The following ZEB2 variants were observed in gnomAD, a reference collection of about 807,000 sequenced individuals.
ZEB2 encodes zinc finger E-box-binding homeobox 2.
In ZEB2, 6 loss-of-function variants were observed where a neutral mutation model predicts 99.9. That is an observed-to-expected ratio of 0.06 (90% confidence interval 0.03 to 0.12). The LOEUF is 0.12. Ranked by LOEUF, ZEB2 falls within the 10% of genes least tolerant of loss-of-function variation. The pLI is 1.00. For synonymous variants in ZEB2, 517 were observed against 542.5 expected (o/e 0.95, Z 0.65); for missense variants, 969 against 1,502.8 (o/e 0.64, Z 5.87).
intron 2 of ZEB2, among the ~76,000 whole-genome samples, chr2:144,500,878 C>T (rs7564469): frequency 0.76 from 115,890 of 152,004 alleles, 44,864 homozygotes; most frequent in Non-Finnish European, 0.85. Context: ...GGAAGGATTG[C>T]TCCCGACACC....
chr2:144,491,266 A>C (rs1194792720), intron 2 of ZEB2, among the ~76,000 whole-genome samples: 1 of 151,812 alleles, frequency 6.6e-6, no homozygotes, highest in African/African-American at 2.4e-5. Flanking sequence ...AAAGTTGTCC[A>C]ATTACTTCAG....
chr2:144,463,149 A>C (rs1436742055), intron 2 of ZEB2: 2 of 152,200 alleles, frequency 1.3e-5, no homozygotes, highest in African/African-American at 4.8e-5. Flanking sequence ...CCCCAAAGTT[A>C]AAAGGGCAAA....
In ZEB2 at chr2:144,483,148, A is replaced by ACACACACACATG. The variant is rs1553968376; in HGVS notation, c.73+34129_73+34130insCATGTGTGTGTG. ...CACACACACACACACACACACACAC[A>ACACACACACATG]CACACACACACACACATACCCTAAG... On this transcript the variant is annotated intron_variant, in intron 2 of 9. Coordinates refer to ENST00000627532, the MANE Select transcript of ZEB2 (RefSeq NM_014795.4). 8.1e-3 allele frequency among the ~76,000 whole-genome samples: 1,169 copies of ACACACACACATG among 144,108 alleles called. 19 individuals carry two copies. The highest frequency in any genetic ancestry group is 0.027 in the African/African-American group (1,060 of 39,634). The allele number at this position is 144,108 out of a possible 152,430, so 94.5% of individuals were successfully genotyped here. A position where few individuals can be genotyped will look rare whatever the true frequency, so the allele number is the denominator to read the frequency against.
At chr2:144,519,502 T>C (rs1018014286) in intron 1 of ZEB2, 2 of 158,194 alleles carry the variant, frequency 1.3e-5, no homozygotes, top group Non-Finnish European at 2.8e-5. Flanking sequence ...GTTTTGTAAT[T>C]ATTAACAGGT....
chr2:144,483,991 A>T (rs1395234640), intron 2 of ZEB2, among the ~76,000 whole-genome samples: 1 of 152,148 alleles, frequency 6.6e-6, no homozygotes, highest in Admixed American at 6.5e-5. Flanking sequence ...GAATTCTAAA[A>T]CTAGAGCTTC....
chr2:144,401,363 G>A (rs1174226451), intron 6 of ZEB2, 56 bp from the exon 7 acceptor site: 1 of 1,574,278 alleles, frequency 6.4e-7, no homozygotes, highest in Non-Finnish European at 8.7e-7. Context: ...AAGAAAATTT[G>A]TTACAAATAT....
intron 4 of ZEB2, among the ~76,000 whole-genome samples, chr2:144,410,975 A>G (rs1473749473): frequency 6.7e-6 from 1 of 148,636 alleles, no homozygotes; most frequent in African/African-American, 2.5e-5. Context: ...CATGAGTGGT[A>G]AATTTTTTTC....
intron 4 of ZEB2, among the ~76,000 whole-genome samples, chr2:144,406,030 T>C (rs1703381996): frequency 1.3e-5 from 2 of 152,252 alleles, no homozygotes; most frequent in Admixed American, 6.5e-5. Context: ...CCTATTATCA[T>C]AGTTTTTGAA....
At chr2:144,413,793 C>G (rs1321936863) in intron 4 of ZEB2, among the ~76,000 whole-genome samples, 2 of 152,160 alleles carry the variant, frequency 1.3e-5, no homozygotes, top group African/African-American at 4.8e-5. Context: ...TCAACTCTTG[C>G]AGAGAAATAC....
chr2:144,393,248 G>A (rs184290977), intron 9 of ZEB2, among the ~76,000 whole-genome samples: 3 of 152,280 alleles, frequency 2.0e-5, no homozygotes, highest in Admixed American at 2.0e-4. Context: ...AAGCAAGCAA[G>A]CAATAAGCCA....
At chr2:144,440,848 G>A (rs1305307570) in intron 2 of ZEB2, among the ~76,000 whole-genome samples, 1 of 151,668 alleles carries the variant, frequency 6.6e-6, no homozygotes, top group East Asian at 1.9e-4. Context: ...CAGAGTAAGA[G>A]AAAGAAAAAT....
At position 144,389,687 on chromosome 2, in the gene ZEB2, C is replaced by T. The variant is rs730881205; in HGVS notation, c.3409G>A (p.Glu1137Lys). The T allele has an allele frequency of 6.2e-7, 1 of 1,614,098 alleles. No individual in the cohort carries two copies. The highest frequency in any genetic ancestry group is 8.5e-7 in the Non-Finnish European group (1 of 1,179,984). Residue 1137 changes from glutamate (E) to lysine (K), a missense_variant, in exon 10 of 10, where the codon GAG (glutamate) becomes AAG (lysine). Glu to Lys is a moderately conservative substitution (Grantham distance 56). This residue lies in a region of ZEB2 where 121 missense variants were observed against 166.4 expected (regional missense o/e 0.73). Coordinates refer to ENST00000627532, the MANE Select transcript of ZEB2 (RefSeq NM_014795.4). The surrounding 1 kb of genome is among the most constrained non-coding windows in gnomAD (Gnocchi z 6.8). ...RESMPRDGES[E>K]KEHEKEGEDG... ...TCGCCTTCTTTCTCGTGCTCCTTCT[C>T]GCTCTCGCCATCCCTCGGCATACTC... is the stretch of plus-strand genomic sequence containing the variant.
At chr2:144,405,085 C>G (rs558896029) in intron 4 of ZEB2, 61 bp from the exon 5 acceptor site, 2 of 1,532,108 alleles carry the variant, frequency 1.3e-6, no homozygotes, top group Non-Finnish European at 1.8e-6. Flanking sequence ...ATCCCAAGTC[C>G]ATCTCCATCA....
rs1038840675 is a variant in ZEB2, at chr2:144,491,020, C to G, written c.73+26258G>C. 2.0e-4 allele frequency among the ~76,000 whole-genome samples: 31 copies of G among 152,318 alleles called. 1 individual carries two copies. The highest frequency in any genetic ancestry group is 6.8e-3 in the Middle Eastern group (2 of 294). On this transcript the variant is annotated intron_variant, in intron 2 of 9. Transcript: ENST00000627532. ...TGTAGTGCCGTGTCAGTGATCCGTG[C>G]GTTGAGGACTCCCCGAGTACGCATT... is the stretch of plus-strand genomic sequence containing the variant.
intron 8 of ZEB2, 36 bp from the exon 9 acceptor site, chr2:144,396,628 C>G: frequency 1.2e-6 from 2 of 1,602,074 alleles, no homozygotes; most frequent in South Asian, 2.2e-5. Context: ...ACAGTGGCTT[C>G]TCTTTGTGCT....
chr2:144,438,487 T>C (rs1573750720), intron 2 of ZEB2, among the ~76,000 whole-genome samples: 1 of 152,124 alleles, frequency 6.6e-6, no homozygotes, highest in East Asian at 1.9e-4. Context: ...GCTGGAGATC[T>C]GCTTGTGGTA....
At chr2:144,508,645 G>A (rs909005372) in intron 2 of ZEB2, among the ~76,000 whole-genome samples, 6 of 151,754 alleles carry the variant, frequency 4.0e-5, no homozygotes, top group African/African-American at 1.5e-4. Context: ...AAAGTCTCAA[G>A]TTGGTAACGG....
At chr2:144,489,312 A>C (rs1332002863) in intron 2 of ZEB2, among the ~76,000 whole-genome samples, 2 of 152,180 alleles carry the variant, frequency 1.3e-5, no homozygotes, top group East Asian at 3.8e-4. Flanking sequence ...CCCTTTATTT[A>C]GTGTTGCCTT....
At chr2:144,415,233 C>T (rs559725585) in intron 4 of ZEB2, among the ~76,000 whole-genome samples, 11 of 151,976 alleles carry the variant, frequency 7.2e-5, no homozygotes, top group East Asian at 1.9e-4. Context: ...TTTCTAAAGG[C>T]GCTCAATAAA....
Sources: allele counts gnomAD v4.1 joint callset (sites outside exome capture counted in the v4.1 genomes callset), GRCh38; gene constraint gnomAD v4.1.1; regional missense constraint gnomAD v4.1.1; non-coding constraint Gnocchi (gnomAD v3.1); transcripts MANE v1.5; gene names NCBI Gene and HGNC (gene_info 2026-07-23, HGNC 2026-07-21).